MARCHF6: variants seen among roughly 807,000 people sequenced by gnomAD.
MARCHF6 encodes E3 ubiquitin-protein ligase MARCHF6.
In MARCHF6, 31 loss-of-function variants were observed where a neutral mutation model predicts 133.7. The observed-to-expected ratio is 0.23, with a 90% CI of 0.17 to 0.31. MARCHF6 has a LOEUF of 0.31. MARCHF6 is among the 10% of genes least tolerant of loss of function. MARCHF6 has a pLI of 1.00. For synonymous variants in MARCHF6, 395 were observed against 402.5 expected (o/e 0.98, Z 0.22); for missense variants, 723 against 1,121.6 (o/e 0.64, Z 5.08).
chr5:10,369,417 CCTT>C (rs1367210610), intron 1 of MARCHF6, among the ~76,000 whole-genome samples: 2 of 152,046 alleles, frequency 1.3e-5, no homozygotes, highest in African/African-American at 4.8e-5. Context: ...TTCATGTCAT[CCTT>C]CTTTCTTATT....
At chr5:10,409,284 T>C (rs1407973960) in intron 17 of MARCHF6, among the ~76,000 whole-genome samples, 1 of 152,210 alleles carries the variant, frequency 6.6e-6, no homozygotes, top group African/African-American at 2.4e-5. Flanking sequence ...AGTAAGGGTA[T>C]AGAAAGTGGG....
chr5:10,391,464 T>TTG, intron 6 of MARCHF6, 78 bp from the exon 7 acceptor site: 1 of 431,754 alleles, frequency 2.3e-6, no homozygotes, highest in Non-Finnish European at 4.0e-6. Flanking sequence ...TTTTTTTTTT[T>TTG]AGCAGGAATA....
At chr5:10,422,390 C>T (rs1579616008) in intron 22 of MARCHF6, among the ~76,000 whole-genome samples, 1 of 152,088 alleles carries the variant, frequency 6.6e-6, no homozygotes, top group South Asian at 2.1e-4. Context: ...TGAAGGGGCT[C>T]ATGAGATTTG....
At chr5:10,428,732 C>G (rs1471976557) in intron 24 of MARCHF6, among the ~76,000 whole-genome samples, 1 of 152,096 alleles carries the variant, frequency 6.6e-6, no homozygotes, top group Non-Finnish European at 1.5e-5. Context: ...AGTAGGAATG[C>G]CCTATTTTCT....
chr5:10,421,924 T>C (rs1227969676), intron 22 of MARCHF6: 1 of 152,220 alleles, frequency 6.6e-6, no homozygotes, highest in African/African-American at 2.4e-5. Flanking sequence ...AAGTGCTTTA[T>C]ATGCAGGAGG....
intron 1 of MARCHF6, among the ~76,000 whole-genome samples, chr5:10,368,333 A>G (rs1020455177): frequency 1.2e-4 from 19 of 152,190 alleles, no homozygotes; most frequent in African/African-American, 4.6e-4. Flanking sequence ...TAAAGCATCA[A>G]AAGGTTAATC....
intron 5 of MARCHF6, among the ~76,000 whole-genome samples, chr5:10,388,303 G>A (rs960468284): frequency 1.3e-5 from 2 of 152,160 alleles, no homozygotes; most frequent in African/African-American, 4.8e-5. Flanking sequence ...TCTGATAGCA[G>A]TTGTGACCAA....
At chr5:10,358,273 G>T (rs753803751) in intron 1 of MARCHF6, among the ~76,000 whole-genome samples, 1 of 152,106 alleles carries the variant, frequency 6.6e-6, no homozygotes, top group Non-Finnish European at 1.5e-5. Context: ...TATAATATGA[G>T]GTCAGAAAGA....
At chr5:10,393,826 A>G (rs1006689755) in intron 7 of MARCHF6, among the ~76,000 whole-genome samples, 2 of 152,160 alleles carry the variant, frequency 1.3e-5, no homozygotes, top group African/African-American at 4.8e-5. Flanking sequence ...CCTCTCTTTC[A>G]GATAACCTTA....
In MARCHF6 at chr5:10,434,093, A is replaced by G; in HGVS notation, c.*409A>G. On this transcript the variant is annotated 3_prime_UTR_variant, in exon 26 of 26. Coordinates refer to ENST00000274140, the MANE Select transcript of MARCHF6 (RefSeq NM_005885.4). Reference sequence around the variant, plus strand: ...AGTGACGCCTTGTGGAACGCAGTTCATGATGTCCTAGCAGCTCTCACTAAG... The same window carrying G: ...AGTGACGCCTTGTGGAACGCAGTTCGTGATGTCCTAGCAGCTCTCACTAAG... 5.5e-6 allele frequency: 1 copy of G among 180,462 alleles called. No homozygotes were observed. The highest frequency in any genetic ancestry group is 5.6e-5 in the Admixed American group (1 of 17,962). The allele number at this position is 180,462 out of a possible 1,614,324, so 11.2% of individuals were successfully genotyped here. A position where few individuals can be genotyped will look rare whatever the true frequency, so the allele number is the denominator to read the frequency against.
rs925445839 is a variant in MARCHF6, at chr5:10,402,119, A to G, written c.1033A>G (p.Ile345Val). 1.4e-5 allele frequency: 22 copies of G among 1,603,814 alleles called. No individual in the cohort carries two copies. Among genetic ancestry groups the G allele is most frequent in the Non-Finnish European group, 1.8e-5 (21 of 1,171,746 alleles). The change falls in exon 12 of 26, where the codon ATA becomes GTA. Residue 345 changes from isoleucine to valine, a missense_variant. Physicochemically the swap from Ile to Val is conservative, Grantham distance 29 (BLOSUM62 3). Transcript: ENST00000274140. ...CATAGTTGGGTATATACTTTTAGCA[A>G]TAACACTGATAATTTGTCATGTATC... Reference protein sequence around the residue: ...TTIVGYILLAITLIICHGLAT... With the variant: ...TTIVGYILLAVTLIICHGLAT...
At chr5:10,394,715 C>CAT in intron 8 of MARCHF6, 38 bp from the exon 9 acceptor site, 1 of 1,518,906 alleles carries the variant, frequency 6.6e-7, no homozygotes. Context: ...AGTTCTGTTG[C>CAT]ATCTTAAATT....
chr5:10,367,960 A>G lies in MARCHF6; in HGVS notation c.20-9838A>G, dbSNP rs549373176. Among the ~76,000 whole-genome samples the G allele has an allele frequency of 9.8e-5, 15 of 152,336 alleles. No individual in the cohort carries two copies. In the East Asian group the frequency reaches 1.3e-3, roughly 14 times the overall value. On this transcript the variant is annotated intron_variant, in intron 1 of 25. Coordinates refer to ENST00000274140, the MANE Select transcript of MARCHF6 (RefSeq NM_005885.4). Reference sequence around the variant, plus strand: ...TCTAAGTAGGTTTGCGTTCATAACAAGCAAGATGCATTGATTTTACTTTGG... The same window carrying G: ...TCTAAGTAGGTTTGCGTTCATAACAGGCAAGATGCATTGATTTTACTTTGG...
chr5:10,385,681 G>T (rs1737424983), intron 4 of MARCHF6, among the ~76,000 whole-genome samples: 1 of 152,070 alleles, frequency 6.6e-6, no homozygotes, highest in Non-Finnish European at 1.5e-5. Flanking sequence ...TGCATTAAAT[G>T]GGACAAAGCA....
chr5:10,354,147 G>T (rs928562181), intron 1 of MARCHF6, among the ~76,000 whole-genome samples: 8 of 151,904 alleles, frequency 5.3e-5, no homozygotes, highest in Non-Finnish European at 1.0e-4. Flanking sequence ...CCGGGCAGGG[G>T]CCGGGGCCGG....
intron 7 of MARCHF6, among the ~76,000 whole-genome samples, chr5:10,393,483 T>A (rs1160297887): frequency 6.6e-6 from 1 of 152,156 alleles, no homozygotes. Flanking sequence ...ACAGGGGGCC[T>A]TTGCAGGGGG....
Position 10,438,786 on chromosome 5 carries a change from C to G in MARCHF6, c.*5102C>G, listed in dbSNP as rs1248178970. 6.6e-6 allele frequency: 1 copy of G among 152,192 alleles called. No homozygotes were observed. The highest frequency in any genetic ancestry group is 1.9e-4 in the East Asian group (1 of 5,196). The allele number at this position is 152,192 out of a possible 1,614,324, so 9.4% of individuals were successfully genotyped here. A position where few individuals can be genotyped will look rare whatever the true frequency, so the allele number is the denominator to read the frequency against. On this transcript the variant is annotated 3_prime_UTR_variant, in exon 26 of 26. Transcript: ENST00000274140. The stretch of plus-strand genomic sequence containing the variant: ...CATGGGGAACACAGAGAAAGGTTCA[C>G]CCGGGAGAGATGGCCTAGCCACTTC...
At chr5:10,385,195 A>G (rs993011031) in intron 4 of MARCHF6, among the ~76,000 whole-genome samples, 6 of 152,226 alleles carry the variant, frequency 3.9e-5, no homozygotes, top group African/African-American at 1.4e-4. Context: ...GTTGCCTGGG[A>G]AGAAGCTTGA....
At chr5:10,403,687 G>A (rs979054119) in intron 15 of MARCHF6, 146 bp downstream of exon 15, 2 of 666,354 alleles carry the variant, frequency 3.0e-6, no homozygotes, top group Non-Finnish European at 4.6e-6. Context: ...ACTTATAGGG[G>A]ACTTTGACTT....
Sources: gnomAD v4.1 joint callset for allele counts (sites outside exome capture counted in the v4.1 genomes callset) on GRCh38, gnomAD v4.1.1 for gene constraint, MANE v1.5 for transcripts, NCBI Gene and HGNC (gene_info 2026-07-23, HGNC 2026-07-21) for gene names.